Variants in PALD1 observed in about 807,000 individuals in gnomAD.
PALD1 encodes the protein paladin.
A neutral mutation model predicts 96.0 loss-of-function variants in PALD1; 57 were observed. The observed-to-expected ratio is 0.59, with a 90% CI of 0.48 to 0.74. PALD1 has a LOEUF of 0.74. Among genes scored for constraint, PALD1 ranks in the 30% least tolerant of loss-of-function variants. PALD1 has a pLI of 0.00. For missense variants in PALD1, 1,063 were observed against 1,143.7 expected, an observed-to-expected ratio of 0.93 and a Z score of 1.02; for synonymous variants, 464 against 473.6, an observed-to-expected ratio of 0.98 and a Z score of 0.26.
At chr10:70,537,940 C>G (rs771143753) in intron 11 of PALD1, 34 bp downstream of exon 11, 2 of 1,391,206 alleles carry the variant, frequency 1.4e-6, no homozygotes, top group Admixed American at 1.7e-5. Context: ...CACGTCCCCT[C>G]CTCCTGGGCC....
chr10:70,464,014 C>T, the PALD1 span, among the ~76,000 whole-genome samples: 2 of 152,142 alleles, frequency 1.3e-5, no homozygotes, highest in Non-Finnish European at 2.9e-5. Context: ...AGTTTTCACG[C>T]ATGCGTTTGT....
intron 18 of PALD1, among the ~76,000 whole-genome samples, chr10:70,563,750 C>T (rs943595637): frequency 2.0e-5 from 3 of 152,186 alleles, no homozygotes; most frequent in African/African-American, 7.2e-5. Context: ...GGAGGATGAA[C>T]TCACCCACCC....
At chr10:70,458,723 CG>C in the PALD1 span, among the ~76,000 whole-genome samples, 1 of 152,190 alleles carries the variant, frequency 6.6e-6, no homozygotes, top group African/African-American at 2.4e-5. Flanking sequence ...GCCCTGTGGT[CG>C]GGCGGGGTGG....
chr10:70,506,038 T>C (rs868068632), intron 1 of PALD1, among the ~76,000 whole-genome samples: 10 of 152,042 alleles, frequency 6.6e-5, no homozygotes, highest in Non-Finnish European at 7.4e-5. Context: ...AAAAATAGTA[T>C]TCTTTGGACT....
chr10:70,564,207 T>A (rs1475159861), intron 18 of PALD1, among the ~76,000 whole-genome samples, 157 bp from the exon 19 acceptor site: 1 of 152,156 alleles, frequency 6.6e-6, no homozygotes, highest in African/African-American at 2.4e-5. Flanking sequence ...CGGCCCTGGC[T>A]TGCTCCATTG....
chr10:70,462,734 G>A, the PALD1 span, among the ~76,000 whole-genome samples: 10 of 152,256 alleles, frequency 6.6e-5, no homozygotes, highest in Non-Finnish European at 1.5e-4. Context: ...CCATTGGCTT[G>A]GCAAGACAGG....
intron 10 of PALD1, among the ~76,000 whole-genome samples, chr10:70,537,421 G>A (rs1001448232): frequency 6.6e-6 from 1 of 152,222 alleles, no homozygotes; most frequent in Admixed American, 6.5e-5. Flanking sequence ...AGTTCTTAAG[G>A]GAGGGCCTCT....
chr10:70,485,424 T>G (rs1046165320), intron 1 of PALD1: 3 of 153,832 alleles, frequency 2.0e-5, no homozygotes, highest in African/African-American at 7.2e-5. Context: ...TTTTCTTGTT[T>G]TTGAGACAGA....
intron 1 of PALD1, among the ~76,000 whole-genome samples, chr10:70,480,109 G>A (rs1203672685): frequency 6.6e-6 from 1 of 152,218 alleles, no homozygotes; most frequent in African/African-American, 2.4e-5. Flanking sequence ...CCAGCTCCAT[G>A]CCCGCCCTTC....
intron 2 of PALD1, among the ~76,000 whole-genome samples, chr10:70,527,090 A>G (rs1846883843): frequency 6.6e-6 from 1 of 152,196 alleles, no homozygotes; most frequent in East Asian, 1.9e-4. Context: ...GAGTCTCTGT[A>G]CTGACAAATG....
At position 70,541,514 on chromosome 10, in the gene PALD1, T is replaced by C; in HGVS notation, c.2101T>C (p.Phe701Leu). Residue 701 changes from phenylalanine (F) to leucine (L), a missense_variant, in exon 17 of 20, where the codon TTC becomes CTC. By Grantham distance (22) the Phe-to-Leu change is conservative. Transcript: ENST00000263563. ...EELVSVPDAK[F>L]TKGEFQVVMK... The stretch of plus-strand genomic sequence containing the variant: ...GCTCGTGAGTGTGCCTGATGCCAAG[T>C]TCACTAAGGGTGAATTTCAGGTGAG... 1.2e-6 allele frequency: 2 copies of C among 1,613,698 alleles called. No homozygotes were observed. The highest frequency in any genetic ancestry group is 1.7e-6 in the Non-Finnish European group (2 of 1,179,812).
At position 70,547,972 on chromosome 10, in the gene PALD1, A is replaced by G. The variant is rs558337508; in HGVS notation, c.2262+526A>G. On this transcript the variant is annotated intron_variant, in intron 18 of 19. Coordinates refer to ENST00000263563, the MANE Select transcript of PALD1 (RefSeq NM_014431.3). ...CTGGCTCCCAGATGGGGTGTTTTTT[A>G]TCTGTAAAAATTGTTTTTAAATAAC... Among the ~76,000 whole-genome samples, 46 of 152,126 alleles carry G rather than the reference A, an allele frequency of 3.0e-4. 1 individual carries two copies. The South Asian group carries it at 9.2e-3, about 30-fold the overall frequency.
chr10:70,566,844 C>A lies in PALD1; in HGVS notation c.*111C>A. 1 of 673,616 alleles carries A rather than the reference C, an allele frequency of 1.5e-6. No individual in the cohort carries two copies. Among genetic ancestry groups the A allele is most frequent in the Non-Finnish European group, 2.5e-6 (1 of 407,290 alleles). The allele number at this position is 673,616 out of a possible 1,614,324, so 41.7% of individuals were successfully genotyped here. A position where few individuals can be genotyped will look rare whatever the true frequency, so the allele number is the denominator to read the frequency against. ...GGGGTGCTGGCCTTGAAATGATTCC[C>A]CCACTTCCTGGAGAGACTGAGCGGA... On this transcript the variant is annotated 3_prime_UTR_variant, in exon 20 of 20. Coordinates refer to ENST00000263563, the MANE Select transcript of PALD1 (RefSeq NM_014431.3).
Position 70,532,683 on chromosome 10 carries a change from G to C in PALD1, c.696G>C (p.Leu232=). The C allele has an allele frequency of 6.2e-7, 1 of 1,614,212 alleles. No homozygotes were observed. The highest frequency in any genetic ancestry group is 8.5e-7 in the Non-Finnish European group (1 of 1,180,012). ...TYHVYHNTED[L]WGEPHAVAIH... ...ATGTGTACCATAACACCGAGGACCT[G>C]TGGGGGGAGCCCCATGCTGTGGCCA... Residue 232 remains leucine (L), a synonymous_variant, in exon 6 of 20, where the codon CTG becomes CTC. Transcript: ENST00000263563.
At chr10:70,510,581 G>A (rs1846492823) in intron 1 of PALD1, among the ~76,000 whole-genome samples, 1 of 152,148 alleles carries the variant, frequency 6.6e-6, no homozygotes, top group Admixed American at 6.5e-5. Flanking sequence ...GAGTTGACCA[G>A]CTCCTTCCTA....
intron 1 of PALD1, among the ~76,000 whole-genome samples, chr10:70,523,709 C>T (rs1320240383): frequency 6.6e-6 from 1 of 152,060 alleles, no homozygotes; most frequent in Non-Finnish European, 1.5e-5. Context: ...TGTGTGTTAA[C>T]GAAGCTGTCA....
chr10:70,479,274 T>TG (rs1845887381), intron 1 of PALD1, among the ~76,000 whole-genome samples: 1 of 152,204 alleles, frequency 6.6e-6, no homozygotes, highest in Admixed American at 6.5e-5. Flanking sequence ...TGTTGGACCC[T>TG]GGGCTACCCC....
rs1296663601 is a variant in PALD1 at position 70,532,769 on chromosome 10, A to G, written c.782A>G (p.Gln261Arg). The G allele has an allele frequency of 6.2e-7, 1 of 1,614,096 alleles. No individual in the cohort carries two copies. Among genetic ancestry groups the G allele is most frequent in the Admixed American group, 1.7e-5 (1 of 60,026 alleles). Residue 261 changes from glutamine to arginine, a missense_variant, in exon 6 of 20, where the codon CAG (glutamine) becomes CGG (arginine). Gln to Arg is a conservative substitution (Grantham distance 43). Coordinates refer to ENST00000263563, the MANE Select transcript of PALD1 (RefSeq NM_014431.3). ...EEVYKRPLFL[Q>R]PTYRYHRLPL... ...GTGTACAAGCGGCCCCTCTTCCTGC[A>G]GCCCACCTACAGGTACCACAGGGCC...
rs183572508 is a variant in PALD1, at chr10:70,520,636, C to T, written c.-29-5287C>T. Among the ~76,000 whole-genome samples, 204 of 151,828 alleles carry T rather than the reference C, an allele frequency of 1.3e-3. 2 individuals carry two copies. Among genetic ancestry groups the T allele is most frequent in the Middle Eastern group, 6.8e-3 (2 of 292 alleles). On this transcript the variant is annotated intron_variant, in intron 1 of 19. Transcript: ENST00000263563. The stretch of plus-strand genomic sequence containing the variant: ...GAGTCCTCTTAAGGAAATGAGGTGA[C>T]CTCTCTGCCAAGGACTCCATAGGTC...
Sources: gnomAD v4.1 joint callset for allele counts (sites outside exome capture counted in the v4.1 genomes callset) on GRCh38, gnomAD v4.1.1 for gene constraint, MANE v1.5 for transcripts, NCBI Gene and HGNC (gene_info 2026-07-23, HGNC 2026-07-21) for gene names.